Variants in PIEZO2 observed in about 807,000 individuals in gnomAD.
The protein encoded by PIEZO2 is piezo-type mechanosensitive ion channel component 2.
Under a neutral mutation model 337.3 loss-of-function variants are expected in PIEZO2, and 172 were observed. The observed-to-expected ratio is 0.51, with a 90% CI of 0.45 to 0.58. The LOEUF is 0.58. Ranked by LOEUF, PIEZO2 falls within the 20% of genes least tolerant of loss-of-function variation. The pLI is 0.00. For synonymous variants in PIEZO2, 1,251 were observed against 1,228.5 expected, an observed-to-expected ratio of 1.02 and a Z score of -0.38; for missense variants, 3,028 against 3,391.3, an observed-to-expected ratio of 0.89 and a Z score of 2.66.
chr18:10,722,568 G>C (rs2036363502), intron 36 of PIEZO2, among the ~76,000 whole-genome samples: 1 of 151,980 alleles, frequency 6.6e-6, no homozygotes, highest in Non-Finnish European at 1.5e-5. Context: ...CCTGGAAACT[G>C]CAAGGGGAAA....
chr18:10,831,310 G>A (rs1251586236), intron 7 of PIEZO2, among the ~76,000 whole-genome samples: 2 of 152,184 alleles, frequency 1.3e-5, no homozygotes, highest in African/African-American at 4.8e-5. Context: ...TAAAGAAAAT[G>A]TGGTACTTAC....
chr18:10,764,058 T>G (rs1440054622), intron 21 of PIEZO2, among the ~76,000 whole-genome samples: 2 of 152,188 alleles, frequency 1.3e-5, no homozygotes, highest in Non-Finnish European at 2.9e-5. Context: ...CTGTTGACTT[T>G]GGGCTGCATG....
intron 47 of PIEZO2, among the ~76,000 whole-genome samples, chr18:10,692,384 T>G (rs1233577606): frequency 6.6e-6 from 1 of 152,174 alleles, no homozygotes; most frequent in Admixed American, 6.5e-5. Flanking sequence ...AGATCCATAC[T>G]TGAATGTTTT....
At chr18:10,798,383 A>T (rs1232936688) in intron 11 of PIEZO2, among the ~76,000 whole-genome samples, 1 of 152,218 alleles carries the variant, frequency 6.6e-6, no homozygotes, top group East Asian at 1.9e-4. Context: ...GACTGTGCAT[A>T]CTACTCCACA....
Position 11,111,591 on chromosome 18 carries a change from G to A in PIEZO2, c.64+36934C>T, listed in dbSNP as rs1598977457. Among the ~76,000 whole-genome samples the A allele has an allele frequency of 1.3e-5, 2 of 151,966 alleles. No homozygotes were observed. The highest frequency in any genetic ancestry group is 4.1e-4 in the South Asian group (2 of 4,826). On this transcript the variant is annotated intron_variant, in intron 1 of 55. Transcript: ENST00000674853. This position sits in a 1 kb window ranked among gnomAD's most constrained non-coding sequence, Gnocchi z 6.2. Reference sequence around the variant, plus strand: ...GCCCGCCCTGCCTGGGACCCTGTAGGGACTTTAACTCAAGAGTCTTGATCC... The same window carrying A: ...GCCCGCCCTGCCTGGGACCCTGTAGAGACTTTAACTCAAGAGTCTTGATCC...
chr18:10,704,384 C>T lies in PIEZO2; in HGVS notation c.6258+10G>A. The T allele has an allele frequency of 1.3e-6, 2 of 1,536,864 alleles. No homozygotes were observed. The highest frequency in any genetic ancestry group is 1.7e-6 in the Non-Finnish European group (2 of 1,146,812). The stretch of plus-strand genomic sequence containing the variant: ...TGAAGCCATCCACAGGGGTCTGCGT[C>T]CAGGCCTACCTCAGTATAGACGATG... On this transcript the variant is annotated intron_variant, in intron 42 of 55. Coordinates refer to ENST00000674853, the MANE Select transcript of PIEZO2 (RefSeq NM_001378183.1).
Position 11,026,449 on chromosome 18 carries a change from C to T in PIEZO2, c.160+39678G>A, listed in dbSNP as rs188094385. ...CTTCCCCGTTCCCGGAGTGGCTCCT[C>T]AGCACCACCTACACCCTCTTCTCAT... On this transcript the variant is annotated intron_variant, in intron 2 of 55. Transcript: ENST00000674853. 4.5e-3 allele frequency among the ~76,000 whole-genome samples: 691 copies of T among 152,294 alleles called. 6 individuals carry two copies. Among genetic ancestry groups the T allele is most frequent in the African/African-American group, 0.016 (653 of 41,550 alleles).
chr18:10,831,382 T>C (rs2040838292), intron 7 of PIEZO2, among the ~76,000 whole-genome samples: 1 of 152,184 alleles, frequency 6.6e-6, no homozygotes, highest in South Asian at 2.1e-4. Context: ...GCAACATGGA[T>C]GGAACTGGAG....
rs2032857330 is a variant in PIEZO2 at position 10,943,871 on chromosome 18, G to T, written c.287-32643C>A. Among the ~76,000 whole-genome samples, 1 of 152,154 alleles carries T rather than the reference G, an allele frequency of 6.6e-6. No homozygotes were observed. Among genetic ancestry groups the T allele is most frequent in the South Asian group, 2.1e-4 (1 of 4,828 alleles). Reference sequence around the variant, plus strand: ...CAAGTCTTTCCAGTGCTGTTCTCATGATAGTGAATGGGTCTCACGAGATCT... The same window carrying T: ...CAAGTCTTTCCAGTGCTGTTCTCATTATAGTGAATGGGTCTCACGAGATCT... On this transcript the variant is annotated intron_variant, in intron 3 of 55. Transcript: ENST00000674853. The surrounding 1 kb of genome is among the most constrained non-coding windows in gnomAD (Gnocchi z 4.5).
In PIEZO2 at chr18:11,036,339, T is replaced by C. The variant is rs1339673823; in HGVS notation, c.160+29788A>G. On this transcript the variant is annotated intron_variant, in intron 2 of 55. Transcript: ENST00000674853. ...ATTGCTACACTGCTGAAAAACCTAA[T>C]GTTTTTCATCTTAGGGACTCTGAAT... 2.0e-5 allele frequency among the ~76,000 whole-genome samples: 3 copies of C among 152,194 alleles called. No homozygotes were observed. The South Asian group carries it at 6.2e-4, about 31-fold the overall frequency.
chr18:10,926,472 GGC>G (rs2031747235), intron 3 of PIEZO2, among the ~76,000 whole-genome samples: 1 of 152,136 alleles, frequency 6.6e-6, no homozygotes, highest in Non-Finnish European at 1.5e-5. Flanking sequence ...AGATGAAACA[GGC>G]TTAAAATAGG....
intron 49 of PIEZO2, among the ~76,000 whole-genome samples, chr18:10,687,919 G>T (rs1336298623): frequency 6.6e-6 from 1 of 152,208 alleles, no homozygotes; most frequent in Non-Finnish European, 1.5e-5. Flanking sequence ...ATCCAGTGGA[G>T]CCCAGCCCAC....
In PIEZO2 at chr18:10,878,478, T is replaced by C. The variant is rs1167459612; in HGVS notation, c.330-7063A>G. Among the ~76,000 whole-genome samples the C allele has an allele frequency of 6.6e-6, 1 of 152,218 alleles. No individual in the cohort carries two copies. Among genetic ancestry groups the C allele is most frequent in the Non-Finnish European group, 1.5e-5 (1 of 68,050 alleles). On this transcript the variant is annotated intron_variant, in intron 4 of 55. Coordinates refer to ENST00000674853, the MANE Select transcript of PIEZO2 (RefSeq NM_001378183.1). This position sits in a 1 kb window ranked among gnomAD's most constrained non-coding sequence, Gnocchi z 4.3. Reference sequence around the variant, plus strand: ...AGTTTACAAATAAAGTTTCAGTTATTTGCACATGCAGATTTCATTGTCAAA... The same window carrying C: ...AGTTTACAAATAAAGTTTCAGTTATCTGCACATGCAGATTTCATTGTCAAA...
chr18:10,793,336 G>A (rs2039473973), intron 13 of PIEZO2, among the ~76,000 whole-genome samples: 2 of 152,148 alleles, frequency 1.3e-5, no homozygotes, highest in African/African-American at 4.8e-5. Flanking sequence ...TATCTTCTAT[G>A]ACAAAACCTT....
rs2042677422 is a variant in PIEZO2, at chr18:10,888,736, T to C, written c.330-17321A>G. 6.6e-6 allele frequency among the ~76,000 whole-genome samples: 1 copy of C among 152,132 alleles called. No homozygotes were observed. Among genetic ancestry groups the C allele is most frequent in the Admixed American group, 6.5e-5 (1 of 15,276 alleles). ...ATAGTGACAAACATGGCTCCCATTA[T>C]CCTTAATATATTTAGTTAAGTTCCC... On this transcript the variant is annotated intron_variant, in intron 4 of 55. Transcript: ENST00000674853. The surrounding 1 kb of genome is among the most constrained non-coding windows in gnomAD (Gnocchi z 4.1).
At chr18:11,137,098 GCA>G (rs2040510459) in intron 1 of PIEZO2, among the ~76,000 whole-genome samples, 2 of 152,148 alleles carry the variant, frequency 1.3e-5, no homozygotes, top group African/African-American at 4.8e-5. Flanking sequence ...TCACTGGTGT[GCA>G]CAGTCTCCAT....
intron 2 of PIEZO2, among the ~76,000 whole-genome samples, chr18:11,065,802 T>C (rs2038127925): frequency 6.6e-6 from 1 of 152,250 alleles, no homozygotes; most frequent in African/African-American, 2.4e-5. Context: ...GTACCAATGT[T>C]GTCATGCCAT....
Position 10,945,797 on chromosome 18 carries a change from G to C in PIEZO2, c.286+33738C>G, listed in dbSNP as rs2032989260. 6.6e-6 allele frequency among the ~76,000 whole-genome samples: 1 copy of C among 152,174 alleles called. No homozygotes were observed. Among genetic ancestry groups the C allele is most frequent in the African/African-American group, 2.4e-5 (1 of 41,454 alleles). On this transcript the variant is annotated intron_variant, in intron 3 of 55. Coordinates refer to ENST00000674853, the MANE Select transcript of PIEZO2 (RefSeq NM_001378183.1). This position sits in a 1 kb window ranked among gnomAD's most constrained non-coding sequence, Gnocchi z 4.0. Reference sequence around the variant, plus strand: ...TAATTGCATTCCATATGTTCAAACAGTTAAGTAGATATAGAGAAGACATCA... The same window carrying C: ...TAATTGCATTCCATATGTTCAAACACTTAAGTAGATATAGAGAAGACATCA...
At chr18:11,039,779 A>G in intron 2 of PIEZO2, among the ~76,000 whole-genome samples, 1 of 133,818 alleles carries the variant, frequency 7.5e-6, no homozygotes, top group Non-Finnish European at 1.7e-5. Flanking sequence ...CACACACAAA[A>G]TTTCTTCCCC....
Sources: gnomAD v4.1 joint callset for allele counts (sites outside exome capture counted in the v4.1 genomes callset) on GRCh38, gnomAD v4.1.1 for gene constraint, Gnocchi (gnomAD v3.1) non-coding constraint, MANE v1.5 for transcripts, NCBI Gene and HGNC (gene_info 2026-07-23, HGNC 2026-07-21) for gene names.